KANSL1: variants seen among roughly 807,000 people sequenced by gnomAD.
The protein encoded by KANSL1 is MLL1/MLL complex subunit KANSL1.
A neutral mutation model predicts 103.6 loss-of-function variants in KANSL1; 22 were observed. The ratio of observed to expected loss-of-function variants is 0.21; its 90% CI spans 0.15 to 0.30. KANSL1 has a LOEUF of 0.30. Ranked by LOEUF, KANSL1 falls within the 10% of genes least tolerant of loss-of-function variation. KANSL1 has a pLI of 1.00. For missense variants in KANSL1, 1,337 were observed against 1,399.8 expected (o/e 0.96, Z 0.72); for synonymous variants, 600 against 527.6 (o/e 1.14, Z -1.88).
chr17:46,034,475 C>T, intron 10 of KANSL1, 190 bp from the exon 11 acceptor site: 1 of 550,026 alleles, frequency 1.8e-6, no homozygotes, highest in Middle Eastern at 5.1e-4. Context: ...CGGAGAAATA[C>T]CAGGTGGTCA....
chr17:46,201,476 G>A (rs1407118496), intron 1 of KANSL1, among the ~76,000 whole-genome samples: 6 of 152,180 alleles, frequency 3.9e-5, no homozygotes, highest in Non-Finnish European at 7.3e-5. Flanking sequence ...GTGCCAACAT[G>A]ACACCTCAAA....
chr17:46,189,031 C>CAAAAAAAAAAGAAAAA (rs2047171733), intron 1 of KANSL1, among the ~76,000 whole-genome samples: 1 of 62,414 alleles, frequency 1.6e-5, no homozygotes, highest in Non-Finnish European at 2.6e-5. Flanking sequence ...AAGATTGTCT[C>CAAAAAAAAAAGAAAAA]AAAAAAAAAA....
chr17:46,161,250 TAAAAAAAAAA>T (rs534754110), intron 2 of KANSL1, among the ~76,000 whole-genome samples: 54 of 79,392 alleles, frequency 6.8e-4, no homozygotes, highest in East Asian at 5.6e-3. Context: ...CCACCTCTAC[TAAAAAAAAAA>T]AAAAAAAAAA....
At chr17:46,080,312 T>TA (rs35520207) in intron 4 of KANSL1, among the ~76,000 whole-genome samples, 4,445 of 77,702 alleles carry the variant, frequency 0.057, 254 homozygotes, top group African/African-American at 0.13. Flanking sequence ...GAGCCTGTCT[T>TA]AAAAAAAAAA....
chr17:46,180,764 C>T (rs976210971), intron 1 of KANSL1, among the ~76,000 whole-genome samples: 6 of 152,056 alleles, frequency 3.9e-5, no homozygotes, highest in African/African-American at 1.2e-4. Flanking sequence ...CTCTGGGAGG[C>T]CAAGGCAAAA....
At chr17:46,143,501 T>A (rs1459474982) in intron 2 of KANSL1, among the ~76,000 whole-genome samples, 2 of 105,158 alleles carry the variant, frequency 1.9e-5, no homozygotes, top group Non-Finnish European at 5.0e-5. Context: ...TCTCAAAAAA[T>A]AAATAAATAA....
chr17:46,065,136 CTT>C (rs369694354), intron 6 of KANSL1, among the ~76,000 whole-genome samples: 2 of 142,996 alleles, frequency 1.4e-5, no homozygotes, highest in African/African-American at 2.6e-5. Context: ...CCACAGCAGG[CTT>C]TTTTTTTTTT....
chr17:46,179,213 C>G (rs1011919429), intron 1 of KANSL1, among the ~76,000 whole-genome samples: 3 of 152,210 alleles, frequency 2.0e-5, no homozygotes, highest in Non-Finnish European at 4.4e-5. Flanking sequence ...GAACCATATC[C>G]TAAAGATTAT....
At chr17:46,061,003 A>T (rs1407181210) in intron 6 of KANSL1, among the ~76,000 whole-genome samples, 1 of 147,274 alleles carries the variant, frequency 6.8e-6, no homozygotes, top group Non-Finnish European at 1.5e-5. Context: ...GCTACTTTTT[A>T]AAAAATTGAA....
chr17:46,120,755 T>C (rs181312765), intron 2 of KANSL1, among the ~76,000 whole-genome samples: 13 of 152,348 alleles, frequency 8.5e-5, no homozygotes, highest in Admixed American at 7.2e-4. Context: ...ATATTCTTAT[T>C]AACCAAAGTC....
intron 1 of KANSL1, among the ~76,000 whole-genome samples, chr17:46,211,317 C>G (rs1358792106): frequency 1.3e-5 from 2 of 151,576 alleles, no homozygotes; most frequent in African/African-American, 4.9e-5. Flanking sequence ...TTTGGCTTCC[C>G]TGAGCCACAC....
chr17:46,124,537 T>C (rs1475139755), intron 2 of KANSL1, among the ~76,000 whole-genome samples: 1 of 152,232 alleles, frequency 6.6e-6, no homozygotes, highest in Non-Finnish European at 1.5e-5. Flanking sequence ...CTAAGCCTTA[T>C]AATTTAAAAA....
At chr17:46,058,769 T>A (rs140238341) in intron 6 of KANSL1, among the ~76,000 whole-genome samples, 4 of 141,774 alleles carry the variant, frequency 2.8e-5, no homozygotes, top group East Asian at 4.2e-4. Context: ...TCTCTCTCTC[T>A]CTCTCTCTCT....
In KANSL1 at chr17:46,031,761, C is replaced by G. The variant is rs1314234224; in HGVS notation, c.3091-58G>C. 21 of 1,458,852 alleles carry G rather than the reference C, an allele frequency of 1.4e-5. 1 individual carries two copies. Among genetic ancestry groups the G allele is most frequent in the East Asian group, 2.3e-5 (1 of 42,586 alleles). The allele number at this position is 1,458,852 out of a possible 1,614,324, so 90.4% of individuals were successfully genotyped here. ...AGTCCCAGCCAGCCTGCTTCCTGCT[C>G]CAAGGCCCTGCCACAAACCTTGTGG... On this transcript the variant is annotated intron_variant, in intron 14 of 14. Transcript: ENST00000432791.
At chr17:46,143,848 T>G (rs1419210537) in intron 2 of KANSL1, among the ~76,000 whole-genome samples, 2 of 148,128 alleles carry the variant, frequency 1.4e-5, no homozygotes, top group East Asian at 2.0e-4. Context: ...ATCTTCCCAG[T>G]AGAAGAGATG....
intron 2 of KANSL1, among the ~76,000 whole-genome samples, chr17:46,096,521 T>C (rs1424728292): frequency 6.6e-6 from 1 of 151,706 alleles, no homozygotes; most frequent in Non-Finnish European, 1.5e-5. Context: ...GGTTTCTCCA[T>C]GTTGGTCAGG....
chr17:46,193,161 G>A lies in KANSL1; in HGVS notation c.-428C>T, dbSNP rs2047441499. On this transcript the variant is annotated 5_prime_UTR_variant, in exon 1 of 15. Transcript: ENST00000432791. ...GAGGGCGGGCGGGCGGGGGCAGAGA[G>A]TGAAACCGCCCCCCCGCCCCGCACA... 1 of 152,506 alleles carries A rather than the reference G, an allele frequency of 6.6e-6. No individual in the cohort carries two copies. Among genetic ancestry groups the A allele is most frequent in the African/African-American group, 2.4e-5 (1 of 41,346 alleles). The allele number at this position is 152,506 out of a possible 1,614,324, so 9.4% of individuals were successfully genotyped here.
At chr17:46,216,702 A>C (rs1387511025) in intron 1 of KANSL1, among the ~76,000 whole-genome samples, 1 of 152,216 alleles carries the variant, frequency 6.6e-6, no homozygotes, top group Admixed American at 6.5e-5. Context: ...CATGCTATCA[A>C]TTTGCACCAA....
chr17:46,206,681 A>C (rs1195935636), intron 1 of KANSL1, among the ~76,000 whole-genome samples: 1 of 152,274 alleles, frequency 6.6e-6, no homozygotes, highest in Middle Eastern at 3.2e-3. Context: ...ATTCTAATTA[A>C]ATTTAAACAC....
Sources: allele counts gnomAD v4.1 joint callset (sites outside exome capture counted in the v4.1 genomes callset), GRCh38; gene constraint gnomAD v4.1.1; transcripts MANE v1.5; gene names NCBI Gene and HGNC (gene_info 2026-07-23, HGNC 2026-07-21).